Variants in ADAM23 observed in about 807,000 individuals in gnomAD.
ADAM23 encodes the protein ADAM metallopeptidase domain 23, also known as disintegrin and metalloproteinase domain-containing protein 23.
ADAM23 carries 33 observed loss-of-function variants against 120.1 expected under a neutral mutation model. The observed-to-expected ratio is 0.27, with a 90% CI of 0.21 to 0.37. The LOEUF (loss-of-function observed/expected upper bound fraction) is 0.37. Among genes scored for constraint, ADAM23 ranks in the 10% least tolerant of loss-of-function variants. ADAM23 has a pLI of 1.00. For missense variants in ADAM23, 862 were observed against 1,058.2 expected, an observed-to-expected ratio of 0.81 and a Z score of 2.57; for synonymous variants, 367 against 375.2, an observed-to-expected ratio of 0.98 and a Z score of 0.25.
Position 206,561,073 on chromosome 2 carries a change from G to C in ADAM23, c.1170-55G>C, listed in dbSNP as rs1030323294. 3 of 1,483,784 alleles carry C rather than the reference G, an allele frequency of 2.0e-6. No homozygotes were observed. The African/African-American group carries it at 4.2e-5, about 21-fold the overall frequency. The allele number at this position is 1,483,784 out of a possible 1,614,324, so 91.9% of individuals were successfully genotyped here. ...AGGAGGGTAGACATATTTTGGGAGA[G>C]TATGAAATGATGGTCCACCACGTTG... On this transcript the variant is annotated intron_variant, in intron 11 of 25. Transcript: ENST00000264377.
chr2:206,507,588 C>G (rs1211130191), intron 3 of ADAM23, among the ~76,000 whole-genome samples: 1 of 152,164 alleles, frequency 6.6e-6, no homozygotes, highest in Non-Finnish European at 1.5e-5. Flanking sequence ...TTATAAATTA[C>G]TCAGGCTCAG....
At chr2:206,487,450 C>T (rs1696038134) in intron 3 of ADAM23, among the ~76,000 whole-genome samples, 1 of 152,174 alleles carries the variant, frequency 6.6e-6, no homozygotes, top group Non-Finnish European at 1.5e-5. Flanking sequence ...GTAGTGAGCA[C>T]TGGGAATTCA....
intron 23 of ADAM23, among the ~76,000 whole-genome samples, chr2:206,595,455 G>C (rs561324306): frequency 5.9e-5 from 9 of 151,754 alleles, no homozygotes; most frequent in Admixed American, 5.2e-4. Context: ...ACTGAGAAAA[G>C]AGGGTTACCA....
At chr2:206,605,758 T>A in intron 24 of ADAM23, 1 of 702,522 alleles carries the variant, frequency 1.4e-6, no homozygotes, top group Non-Finnish European at 2.6e-6. Context: ...TAATTTCCTT[T>A]GTTAAAAAAT....
At chr2:206,571,633 G>A in intron 16 of ADAM23, 94 bp from the exon 17 acceptor site, 1 of 805,674 alleles carries the variant, frequency 1.2e-6, no homozygotes, top group Admixed American at 2.0e-5. Flanking sequence ...TTGTATAAAT[G>A]TTCTCATTTG....
chr2:206,562,109 A>T, intron 12 of ADAM23, 94 bp from the exon 13 acceptor site: 1 of 1,031,998 alleles, frequency 9.7e-7, no homozygotes, highest in Non-Finnish European at 1.5e-6. Flanking sequence ...CTACTTAGGG[A>T]ACTGAGAAGA....
chr2:206,605,277 TCAATAACTTCC>T (rs542570375), intron 24 of ADAM23, among the ~76,000 whole-genome samples: 1 of 152,366 alleles, frequency 6.6e-6, no homozygotes, highest in African/African-American at 2.4e-5. Flanking sequence ...AATACGCTTT[TCAATAACTTCC>T]CAGGTAAACA....
chr2:206,444,757 T>C (rs1187084711), intron 1 of ADAM23, among the ~76,000 whole-genome samples: 2 of 152,210 alleles, frequency 1.3e-5, no homozygotes, highest in African/African-American at 2.4e-5. Context: ...TGGCAAAGTA[T>C]GTTTGCTCAT....
At chr2:206,614,066 C>T (rs796522899) in intron 25 of ADAM23, among the ~76,000 whole-genome samples, 6 of 152,334 alleles carry the variant, frequency 3.9e-5, no homozygotes, top group African/African-American at 1.4e-4. Flanking sequence ...CTTACTCTCC[C>T]GCTACTTGCC....
At chr2:206,533,364 A>T (rs1008407704) in intron 4 of ADAM23, among the ~76,000 whole-genome samples, 1 of 151,904 alleles carries the variant, frequency 6.6e-6, no homozygotes, top group African/African-American at 2.4e-5. Flanking sequence ...ACCATGCCCA[A>T]ATAATTTTTT....
At chr2:206,462,945 G>A (rs1026376422) in intron 2 of ADAM23, among the ~76,000 whole-genome samples, 1 of 152,168 alleles carries the variant, frequency 6.6e-6, no homozygotes, top group African/African-American at 2.4e-5. Context: ...CGGACTGGAT[G>A]GGGCAAGAGT....
At chr2:206,613,896 G>A (rs567331568) in intron 25 of ADAM23, among the ~76,000 whole-genome samples, 39 of 152,304 alleles carry the variant, frequency 2.6e-4, no homozygotes, top group African/African-American at 9.1e-4. Flanking sequence ...AGTAGGTGAT[G>A]GTGGTAGGAA....
At chr2:206,596,214 T>C in intron 24 of ADAM23, 52 bp downstream of exon 24, 1 of 1,339,758 alleles carries the variant, frequency 7.5e-7, no homozygotes, top group Non-Finnish European at 1.1e-6. Context: ...GTTGACACTG[T>C]TCCAATGCAC....
intron 3 of ADAM23, among the ~76,000 whole-genome samples, chr2:206,488,147 C>G (rs1270362149): frequency 6.6e-6 from 1 of 152,178 alleles, no homozygotes; most frequent in Non-Finnish European, 1.5e-5. Flanking sequence ...AAATACAGAG[C>G]CCAACCTTCT....
rs13425026 is a variant in ADAM23, at chr2:206,472,376, G to A, written c.433-8856G>A. On this transcript the variant is annotated intron_variant, in intron 2 of 25. Transcript: ENST00000264377. Reference sequence around the variant, plus strand: ...TGTAATCCCAGTACCTTGGGAGGCCGAGGTGGGTGGATCACTTGAGGTCAG... The same window carrying A: ...TGTAATCCCAGTACCTTGGGAGGCCAAGGTGGGTGGATCACTTGAGGTCAG... Among the ~76,000 whole-genome samples, 579 of 152,196 alleles carry A rather than the reference G, an allele frequency of 3.8e-3. 3 individuals are homozygous for A. Among genetic ancestry groups the A allele is most frequent in the African/African-American group, 0.013 (553 of 41,518 alleles).
chr2:206,606,007 C>T (rs1190279008), intron 24 of ADAM23: 2 of 559,706 alleles, frequency 3.6e-6, no homozygotes, highest in African/African-American at 3.9e-5. Flanking sequence ...TGTGGTGTGA[C>T]TTGGATGTTG....
At chr2:206,476,604 C>G (rs1342982686) in intron 2 of ADAM23, among the ~76,000 whole-genome samples, 1 of 152,128 alleles carries the variant, frequency 6.6e-6, no homozygotes, top group East Asian at 1.9e-4. Context: ...GGAACAGTTT[C>G]ATCCTGAAAC....
chr2:206,465,013 A>C (rs1339206927), intron 2 of ADAM23, among the ~76,000 whole-genome samples: 2 of 151,956 alleles, frequency 1.3e-5, no homozygotes, highest in East Asian at 3.9e-4. Context: ...CAGCCAGCTT[A>C]GTTTTTTTCT....
intron 4 of ADAM23, among the ~76,000 whole-genome samples, chr2:206,532,253 A>G (rs1485727419): frequency 6.6e-6 from 1 of 152,186 alleles, no homozygotes; most frequent in South Asian, 2.1e-4. Flanking sequence ...GGAACTTTAT[A>G]GACTCAGCAA....
Sources: gnomAD v4.1 joint callset for allele counts (sites outside exome capture counted in the v4.1 genomes callset) on GRCh38, gnomAD v4.1.1 for gene constraint, MANE v1.5 for transcripts, NCBI Gene and HGNC (gene_info 2026-07-23, HGNC 2026-07-21) for gene names.